The following OTOG variants were observed in gnomAD, a reference collection of about 807,000 sequenced individuals.
The protein encoded by OTOG is otogelin.
A neutral mutation model predicts 313.8 loss-of-function variants in OTOG; 296 were observed. The ratio of observed to expected loss-of-function variants is 0.94; its 90% confidence interval spans 0.86 to 1.04. The LOEUF (loss-of-function observed/expected upper bound fraction) is 1.04, where lower values mean the gene tolerates loss of function less well. Ranked by LOEUF, OTOG falls within the 50% of genes least tolerant of loss-of-function variation. The pLI is 0.00. For synonymous variants in OTOG, 1,533 were observed against 1,554.9 expected (o/e 0.99, Z 0.33); for missense variants, 3,948 against 3,840.1 (o/e 1.03, Z -0.74).
chr11:17,612,123 C>A (rs774622818), intron 36 of OTOG, 39 bp from the exon 37 acceptor site: 1 of 1,547,214 alleles, frequency 6.5e-7, no homozygotes, highest in Non-Finnish European at 8.7e-7. Context: ...GGCTGTAGCT[C>A]CTTGATGGTC....
intron 12 of OTOG, 117 bp from the exon 13 acceptor site, chr11:17,560,592 C>T (rs1442426607): frequency 1.4e-5 from 10 of 726,008 alleles, no homozygotes; most frequent in Admixed American, 4.8e-5. Context: ...GTTTGGAAGT[C>T]GGTTCAGAGA....
Position 17,609,861 on chromosome 11 carries a change from G to C in OTOG, c.4561G>C (p.Val1521Leu). ...AGTGACAGCCACTGAGGAGCCAGTGGTGTCTCCAGGCCCCACCCAGACCAC... is the reference window on the plus strand; with the variant it reads ...AGTGACAGCCACTGAGGAGCCAGTGCTGTCTCCAGGCCCCACCCAGACCAC... ...PPVTATEEPV[V>L]SPGPTQTTLQ... is the part of the protein sequence containing the mutation. Residue 1521 changes from valine to leucine, a missense_variant, in exon 36 of 56, where the codon GTG (valine) becomes CTG (leucine). Physicochemically the swap from Val to Leu is conservative, Grantham distance 32 (BLOSUM62 1). Transcript: ENST00000399397. 3 of 1,516,500 alleles carry C rather than the reference G, an allele frequency of 2.0e-6. No homozygotes were observed. The highest frequency in any genetic ancestry group is 2.7e-6 in the Non-Finnish European group (3 of 1,126,456). 93.9% of individuals were successfully genotyped at this position (1,516,500 alleles called of 1,614,324 possible).
intron 39 of OTOG, among the ~76,000 whole-genome samples, chr11:17,619,057 G>T (rs947138077): frequency 6.6e-6 from 1 of 152,146 alleles, no homozygotes; most frequent in African/African-American, 2.4e-5. Context: ...GAGCCCAGGA[G>T]TTCGAGACCA....
chr11:17,610,738 T>G lies in OTOG; in HGVS notation c.5438T>G (p.Val1813Gly), dbSNP rs1853512469. ...GACACCAGCCTGCCCCTGGCCAAGG[T>G]GGGCACATCTGCCCCAGTGGCCACA... Reference protein sequence around the residue: ...PPDTSLPLAKVGTSAPVATPG... With the variant: ...PPDTSLPLAKGGTSAPVATPG... The change falls in exon 36 of 56, where the codon GTG becomes GGG. Residue 1813 changes from valine to glycine, a missense_variant. By Grantham distance (109) the Val-to-Gly change is moderately radical. Transcript: ENST00000399397. 1 of 1,549,966 alleles carries G rather than the reference T, an allele frequency of 6.5e-7. No individual in the cohort carries two copies. The highest frequency in any genetic ancestry group is 1.2e-5 in the South Asian group (1 of 84,048).
intron 26 of OTOG, 111 bp downstream of exon 26, chr11:17,593,438 C>T: frequency 7.0e-7 from 1 of 1,435,036 alleles, no homozygotes; most frequent in Non-Finnish European, 9.4e-7. Flanking sequence ...TCTTGGAGAG[C>T]CACTGAGTTA....
At chr11:17,613,795 G>T in intron 39 of OTOG, 94 bp downstream of exon 39, 18 of 887,462 alleles carry the variant, frequency 2.0e-5, no homozygotes, top group East Asian at 6.4e-5. Context: ...GCTGAATCAT[G>T]ATTCAGGGCA....
At chr11:17,609,526 C>A in intron 35 of OTOG, 129 bp from the exon 36 acceptor site, 1 of 868,664 alleles carries the variant, frequency 1.2e-6, no homozygotes, top group Non-Finnish European at 1.7e-6. Flanking sequence ...GACATCTGGC[C>A]GTTAGAAGCT....
In OTOG at chr11:17,553,212, G is replaced by A. The variant is rs1399817838; in HGVS notation, c.385+1G>A. 2 of 1,550,286 alleles carry A rather than the reference G, an allele frequency of 1.3e-6. No individual in the cohort carries two copies. Among genetic ancestry groups the A allele is most frequent in the Non-Finnish European group, 1.7e-6 (2 of 1,146,960 alleles). ...GCCACTGGACCGCGCTGCCAGATGG[G>A]TGGGTCTGGGCTCCACCCCACCCCC... On this transcript the variant is annotated splice_donor_variant, in intron 5 of 55. Coordinates refer to ENST00000399397, the MANE Select transcript of OTOG (RefSeq NM_001292063.2). LOFTEE classifies it high-confidence loss of function.
At chr11:17,584,016 G>A (rs567106817) in intron 23 of OTOG, among the ~76,000 whole-genome samples, 6 of 152,136 alleles carry the variant, frequency 3.9e-5, no homozygotes, top group South Asian at 4.1e-4. Flanking sequence ...TCATGTGAAG[G>A]TTTACACATT....
intron 3 of OTOG, 150 bp from the exon 4 acceptor site, chr11:17,551,850 C>T: frequency 1.5e-6 from 1 of 659,700 alleles, no homozygotes; most frequent in Non-Finnish European, 2.7e-6. Flanking sequence ...CTCGAGGGGG[C>T]CAGGCGAGGA....
At position 17,576,882 on chromosome 11, in the gene OTOG, G is replaced by C; in HGVS notation, c.2576G>C (p.Gly859Ala). The C allele has an allele frequency of 6.4e-7, 1 of 1,550,506 alleles. No individual in the cohort carries two copies. The highest frequency in any genetic ancestry group is 2.0e-5 in the Admixed American group (1 of 50,982). The part of the protein sequence containing the change: ...PSLGHCHCKD[G>A]VMSCDSRAPA... ...TCTCTCTGCAGCCACTGCAAAGATG[G>C]AGTCATGAGCTGTGATAGCAGAGCC... Residue 859 changes from glycine to alanine, a missense_variant, in exon 22 of 56, where the codon GGA (glycine) becomes GCA (alanine). Transcript: ENST00000399397.
chr11:17,624,647 G>A (rs2134116813), intron 39 of OTOG, among the ~76,000 whole-genome samples: 1 of 152,234 alleles, frequency 6.6e-6, no homozygotes, highest in East Asian at 1.9e-4. Flanking sequence ...CTCATTTTTG[G>A]TTCCATATGA....
intron 1 of OTOG, 113 bp from the exon 2 acceptor site, chr11:17,547,814 A>G: frequency 2.3e-6 from 1 of 435,188 alleles, no homozygotes; most frequent in Non-Finnish European, 4.0e-6. Flanking sequence ...AGGGAGGGAG[A>G]ATGGGGGAAT....
chr11:17,641,712 G>T, intron 51 of OTOG, 135 bp from the exon 52 acceptor site: 1 of 618,034 alleles, frequency 1.6e-6, no homozygotes, highest in Non-Finnish European at 2.8e-6. Flanking sequence ...GACAGAAGGA[G>T]GCTGGGAGCG....
chr11:17,600,078 A>T (rs1244425646), intron 31 of OTOG, among the ~76,000 whole-genome samples: 2 of 152,256 alleles, frequency 1.3e-5, no homozygotes, highest in Admixed American at 1.3e-4. Context: ...CTTTTGGCAA[A>T]AGCAGACACA....
At chr11:17,578,258 G>A in intron 22 of OTOG, 115 bp from the exon 23 acceptor site, 1 of 1,408,166 alleles carries the variant, frequency 7.1e-7, no homozygotes, top group Non-Finnish European at 9.2e-7. Flanking sequence ...GAGCGACCAG[G>A]GAGGGAGGAG....
At position 17,629,096 on chromosome 11, in the gene OTOG, A is replaced by G. The variant is rs906093847; in HGVS notation, c.6529-37A>G. 5.3e-6 allele frequency: 8 copies of G among 1,522,008 alleles called. No individual in the cohort carries two copies. The African/African-American group carries it at 9.6e-5, about 18-fold the overall frequency. The allele number at this position is 1,522,008 out of a possible 1,614,324, so 94.3% of individuals were successfully genotyped here. A position where few individuals can be genotyped will look rare whatever the true frequency, so the allele number is the denominator to read the frequency against. On this transcript the variant is annotated intron_variant, in intron 39 of 55. Transcript: ENST00000399397. The stretch of plus-strand genomic sequence containing the variant: ...GATGGATGGATGGATGAATGAATGG[A>G]TGGACAAGCTGTGCTCACACTGAAT...
chr11:17,579,512 C>T (rs151208882), intron 23 of OTOG, among the ~76,000 whole-genome samples: 9 of 152,242 alleles, frequency 5.9e-5, no homozygotes, highest in African/African-American at 1.9e-4. Context: ...CAAGCCCAGC[C>T]GCTGGCCCAG....
At chr11:17,605,178 A>C (rs572910901) in intron 32 of OTOG, among the ~76,000 whole-genome samples, 1 of 152,264 alleles carries the variant, frequency 6.6e-6, no homozygotes, top group Non-Finnish European at 1.5e-5. Context: ...GAGGAGACCC[A>C]TAAGGCCCTG....
Sources: gnomAD v4.1 joint callset for allele counts (sites outside exome capture counted in the v4.1 genomes callset) on GRCh38, gnomAD v4.1.1 for gene constraint, MANE v1.5 for transcripts, NCBI Gene and HGNC (gene_info 2026-07-23, HGNC 2026-07-21) for gene names.